Variants in NRP1 observed in about 807,000 individuals in gnomAD.
The protein encoded by NRP1 is neuropilin 1.
A neutral mutation model predicts 106.7 loss-of-function variants in NRP1; 35 were observed. The observed-to-expected ratio is 0.33, with a 90% CI of 0.25 to 0.43. The LOEUF (loss-of-function observed/expected upper bound fraction) is 0.43, where lower values mean the gene tolerates loss of function less well. Ranked by LOEUF, NRP1 falls within the 20% of genes least tolerant of loss-of-function variation. NRP1 has a pLI of 1.00. For missense variants in NRP1, 1,024 were observed against 1,170.4 expected (o/e 0.87, Z 1.83); for synonymous variants, 437 against 417.9 (o/e 1.05, Z -0.56).
chr10:33,292,391 T>C (rs1845060395), intron 2 of NRP1, among the ~76,000 whole-genome samples: 1 of 152,242 alleles, frequency 6.6e-6, no homozygotes, highest in Non-Finnish European at 1.5e-5. Context: ...GGCCCTCTTA[T>C]CTTTCCAGCA....
chr10:33,279,606 C>T (rs777753003), intron 2 of NRP1, among the ~76,000 whole-genome samples: 5 of 152,206 alleles, frequency 3.3e-5, no homozygotes, highest in African/African-American at 7.2e-5. Flanking sequence ...TTAATTAAAT[C>T]TGCCAAAGCC....
intron 6 of NRP1, among the ~76,000 whole-genome samples, chr10:33,241,084 T>C (rs534630558): frequency 1.3e-5 from 2 of 152,284 alleles, no homozygotes; most frequent in South Asian, 2.1e-4. Flanking sequence ...CTTGTGTAAT[T>C]AGAATTCACA....
chr10:33,232,254 T>C lies in NRP1; in HGVS notation c.982-5965A>G, dbSNP rs538283338. On this transcript the variant is annotated intron_variant, in intron 6 of 16. Coordinates refer to ENST00000374867, the MANE Select transcript of NRP1 (RefSeq NM_003873.7). ...CTAAACAATACTTCCTTTCTTTCCATAAAAATTCAGACACACAATAACCAT... is the reference window on the plus strand; with the variant it reads ...CTAAACAATACTTCCTTTCTTTCCACAAAAATTCAGACACACAATAACCAT... Among the ~76,000 whole-genome samples the C allele has an allele frequency of 2.4e-4, 36 of 152,320 alleles. No homozygotes were observed. The South Asian group carries it at 6.4e-3, about 27-fold the overall frequency.
intron 6 of NRP1, among the ~76,000 whole-genome samples, chr10:33,236,973 T>A (rs573054933): frequency 6.6e-6 from 1 of 152,152 alleles, no homozygotes; most frequent in African/African-American, 2.4e-5. Flanking sequence ...AGACCTTTTT[T>A]TTCTTCTTTT....
At chr10:33,198,244 C>T (rs1475380613) in intron 11 of NRP1, among the ~76,000 whole-genome samples, 4 of 151,178 alleles carry the variant, frequency 2.6e-5, no homozygotes, top group African/African-American at 4.9e-5. Context: ...CAGGTTCAAG[C>T]GATTCTCCTG....
chr10:33,218,020 T>C lies in NRP1; in HGVS notation c.1282+3699A>G, dbSNP rs1329564367. Reference sequence around the variant, plus strand: ...AATCTCTCCTTGATGACTCAGAAAGTACCTCTGGATATTATGGTGTCTGAG... The same window carrying C: ...AATCTCTCCTTGATGACTCAGAAAGCACCTCTGGATATTATGGTGTCTGAG... On this transcript the variant is annotated intron_variant, in intron 8 of 16. Coordinates refer to ENST00000374867, the MANE Select transcript of NRP1 (RefSeq NM_003873.7). Among the ~76,000 whole-genome samples, 4 of 152,216 alleles carry C rather than the reference T, an allele frequency of 2.6e-5. No homozygotes were observed. The East Asian group carries it at 5.8e-4, about 22-fold the overall frequency.
intron 4 of NRP1, 30 bp downstream of exon 4, chr10:33,263,616 C>T: frequency 6.4e-7 from 1 of 1,551,858 alleles, no homozygotes; most frequent in Non-Finnish European, 8.9e-7. Flanking sequence ...CAGAACCTTC[C>T]CTTTTTGGGG....
chr10:33,277,112 A>T (rs1209391014), intron 2 of NRP1, among the ~76,000 whole-genome samples: 2 of 126,502 alleles, frequency 1.6e-5, no homozygotes, highest in East Asian at 4.0e-4. Flanking sequence ...CTCTAAAATT[A>T]AAAAAAAAAA....
intron 6 of NRP1, among the ~76,000 whole-genome samples, chr10:33,232,817 A>ATT (rs957768237): frequency 1.4e-5 from 2 of 144,446 alleles, no homozygotes; most frequent in Non-Finnish European, 3.1e-5. Flanking sequence ...TAATTTTTGT[A>ATT]TTTTTTTTTT....
chr10:33,199,386 T>TATATATATATATAC (rs1837083526), intron 11 of NRP1, among the ~76,000 whole-genome samples: 1 of 74,930 alleles, frequency 1.3e-5, no homozygotes, highest in East Asian at 5.8e-4. Flanking sequence ...TATATATATA[T>TATATATATATATAC]ATATTTTTTT....
intron 9 of NRP1, among the ~76,000 whole-genome samples, chr10:33,208,754 T>A (rs1192055942): frequency 6.6e-6 from 1 of 152,158 alleles, no homozygotes; most frequent in African/African-American, 2.4e-5. Flanking sequence ...ACTCATTTTG[T>A]CATCTTCCTA....
chr10:33,310,487 G>A (rs1186068193), intron 2 of NRP1, among the ~76,000 whole-genome samples: 2 of 151,562 alleles, frequency 1.3e-5, no homozygotes, highest in South Asian at 2.1e-4. Context: ...CTGACCTCAA[G>A]TGATTCACTC....
intron 10 of NRP1, among the ~76,000 whole-genome samples, chr10:33,206,682 T>A (rs142684548): frequency 0.013 from 1,998 of 152,346 alleles, 48 homozygotes; most frequent in African/African-American, 0.046. Flanking sequence ...ATAGTCATTC[T>A]TGAAGCTAGG....
In NRP1 at chr10:33,308,076, G is replaced by T. The variant is rs569576150; in HGVS notation, c.248+22632C>A. Among the ~76,000 whole-genome samples, 10 of 152,254 alleles carry T rather than the reference G, an allele frequency of 6.6e-5. No individual in the cohort carries two copies. In the South Asian group the frequency reaches 2.1e-3, roughly 32 times the overall value. ...TCATGTCCTTTTCAGGAACATGGAC[G>T]CAGCTGGAGGCCATCATCCTAAATG... On this transcript the variant is annotated intron_variant, in intron 2 of 16. Transcript: ENST00000374867.
At chr10:33,267,689 A>G (rs1257621332) in intron 3 of NRP1, among the ~76,000 whole-genome samples, 1 of 152,000 alleles carries the variant, frequency 6.6e-6, no homozygotes, top group Non-Finnish European at 1.5e-5. Flanking sequence ...AACAGAGATC[A>G]GTGGGGAGGC....
chr10:33,246,253 A>T (rs1423398996), intron 6 of NRP1, among the ~76,000 whole-genome samples: 2 of 151,606 alleles, frequency 1.3e-5, no homozygotes, highest in African/African-American at 4.8e-5. Context: ...AAAACACCTT[A>T]GAATTTAATC....
Position 33,202,895 on chromosome 10 carries a change from G to A in NRP1, c.1860C>T (p.Leu620=), listed in dbSNP as rs1564376532. ...GGATGAAGATGGTTTCTGCACCTGT[G>A]AGCTGGAAGTCATCACCTGTTCCAC... is the stretch of plus-strand genomic sequence containing the variant. ...CHSGTGDDFQ[L]TGGTTVLATE... is the part of the protein sequence containing the mutation. Residue 620 remains leucine, a synonymous_variant, in exon 11 of 17, where the codon CTC becomes CTT. Transcript: ENST00000374867. 5 of 1,614,200 alleles carry A rather than the reference G, an allele frequency of 3.1e-6. No homozygotes were observed. Among genetic ancestry groups the A allele is most frequent in the Non-Finnish European group, 4.2e-6 (5 of 1,180,034 alleles).
At chr10:33,243,347 A>C (rs1187479838) in intron 6 of NRP1, among the ~76,000 whole-genome samples, 1 of 152,188 alleles carries the variant, frequency 6.6e-6, no homozygotes, top group East Asian at 1.9e-4. Context: ...AGGCAAGCTC[A>C]GGGCACTAGC....
chr10:33,198,789 G>A (rs1171238227), intron 11 of NRP1, among the ~76,000 whole-genome samples: 2 of 152,136 alleles, frequency 1.3e-5, no homozygotes, highest in Non-Finnish European at 2.9e-5. Context: ...GGCTACTGGA[G>A]CTGTTTACTT....
Sources: gnomAD v4.1 joint callset for allele counts (sites outside exome capture counted in the v4.1 genomes callset) on GRCh38, gnomAD v4.1.1 for gene constraint, MANE v1.5 for transcripts, NCBI Gene and HGNC (gene_info 2026-07-23, HGNC 2026-07-21) for gene names.